The following NFIB variants were observed in gnomAD, a reference collection of about 807,000 sequenced individuals.
NFIB encodes nuclear factor I B.
Under a neutral mutation model 61.5 loss-of-function variants are expected in NFIB, and 11 were observed. The ratio of observed to expected loss-of-function variants is 0.18; its 90% CI spans 0.11 to 0.30. The LOEUF is 0.30. Among genes scored for constraint, NFIB ranks in the 10% least tolerant of loss-of-function variants. The probability of loss-of-function intolerance (pLI) is 1.00; values close to 1 mark genes in which losing one functional copy is unlikely to be tolerated. For synonymous variants in NFIB, 260 were observed against 216.5 expected, an observed-to-expected ratio of 1.20 and a Z score of -1.76; for missense variants, 471 against 608.9, an observed-to-expected ratio of 0.77 and a Z score of 2.38.
chr9:14,089,043 C>T (rs1298104436), intron 10 of NFIB, among the ~76,000 whole-genome samples: 2 of 152,166 alleles, frequency 1.3e-5, no homozygotes, highest in East Asian at 3.9e-4. Context: ...TTACAGGAGG[C>T]CACAAAGGTC....
intron 10 of NFIB, chr9:14,096,329 CG>C (rs1393841451): frequency 1.3e-5 from 2 of 152,136 alleles, no homozygotes; most frequent in Non-Finnish European, 2.9e-5. Context: ...CGACAGGAAA[CG>C]TAAGATTAAG....
chr9:14,278,059 G>A (rs946682174), intron 2 of NFIB, among the ~76,000 whole-genome samples: 2 of 152,074 alleles, frequency 1.3e-5, no homozygotes, highest in Admixed American at 6.5e-5. Context: ...AGCATCTTAC[G>A]ACCATGAGTT....
chr9:14,169,007 A>C (rs1170480531), intron 3 of NFIB, among the ~76,000 whole-genome samples: 1 of 152,230 alleles, frequency 6.6e-6, no homozygotes, highest in Non-Finnish European at 1.5e-5. Context: ...TCATGTCCCA[A>C]CAGACATGAT....
chr9:14,170,615 T>A (rs928329094), intron 3 of NFIB, among the ~76,000 whole-genome samples: 3 of 152,194 alleles, frequency 2.0e-5, no homozygotes, highest in African/African-American at 7.2e-5. Flanking sequence ...CACTCCAGCC[T>A]GGGCAACAAG....
intron 2 of NFIB, chr9:14,180,945 G>A (rs1189641725): frequency 1.3e-5 from 2 of 152,158 alleles, no homozygotes; most frequent in African/African-American, 2.4e-5. Context: ...GCTCTGTCAT[G>A]TACTGCCATA....
intron 2 of NFIB, among the ~76,000 whole-genome samples, chr9:14,209,516 C>A (rs1409055310): frequency 1.4e-4 from 21 of 152,216 alleles, no homozygotes; most frequent in Non-Finnish European, 2.9e-5. Flanking sequence ...AGGGGGCCAG[C>A]ACAGTCCATT....
chr9:14,097,875 C>CTTTTTTTTTTTTTTTTT (rs71321962), intron 10 of NFIB, among the ~76,000 whole-genome samples: 74 of 110,830 alleles, frequency 6.7e-4, no homozygotes, highest in East Asian at 1.1e-3. Context: ...TTTCTTTTTT[C>CTTTTTTTTTTTTTTTTT]TTTTTTTTTT....
chr9:14,267,801 A>C (rs991302676), intron 2 of NFIB, among the ~76,000 whole-genome samples: 16 of 152,118 alleles, frequency 1.1e-4, no homozygotes, highest in African/African-American at 3.4e-4. Context: ...AAACTTTACA[A>C]CCTTTCAAAT....
intron 9 of NFIB, among the ~76,000 whole-genome samples, chr9:14,113,830 T>C (rs1016942756): frequency 1.3e-5 from 2 of 152,336 alleles, no homozygotes; most frequent in East Asian, 1.9e-4. Flanking sequence ...TACATTGTTA[T>C]AGTCTCATTT....
intron 2 of NFIB, among the ~76,000 whole-genome samples, chr9:14,241,120 T>C (rs144709235): frequency 2.2e-4 from 33 of 152,324 alleles, no homozygotes; most frequent in African/African-American, 7.9e-4. Flanking sequence ...TTTAGGCAAA[T>C]GAGGGGCAAA....
chr9:14,450,673 ATAC>A, the NFIB span, among the ~76,000 whole-genome samples: 1 of 152,118 alleles, frequency 6.6e-6, no homozygotes, highest in Non-Finnish European at 1.5e-5. Context: ...AAACTCATAA[ATAC>A]TCTAACTTTG....
At chr9:14,128,552 G>T (rs1661387358) in intron 6 of NFIB, among the ~76,000 whole-genome samples, 1 of 152,006 alleles carries the variant, frequency 6.6e-6, no homozygotes, top group East Asian at 1.9e-4. Context: ...ACAAAAATTA[G>T]CTGGGCGTGG....
chr9:14,468,167 T>C, the NFIB span, among the ~76,000 whole-genome samples: 2 of 152,340 alleles, frequency 1.3e-5, no homozygotes, highest in South Asian at 4.1e-4. Flanking sequence ...GATGTATGTT[T>C]GCTACGAAGC....
the NFIB span, among the ~76,000 whole-genome samples, chr9:14,530,834 A>G: frequency 1.3e-5 from 2 of 152,126 alleles, no homozygotes; most frequent in African/African-American, 4.8e-5. Flanking sequence ...CGGCCCTTGT[A>G]GTAAGCACAA....
rs1392994557 is a variant in NFIB at position 14,082,211 on chromosome 9, T to G, written c.*6098A>C. 1.5e-5 allele frequency: 3 copies of G among 204,340 alleles called. No homozygotes were observed. Among genetic ancestry groups the G allele is most frequent in the Non-Finnish European group, 3.0e-5 (3 of 99,528 alleles). 12.7% of individuals were successfully genotyped at this position (204,340 alleles called of 1,614,324 possible). Reference sequence around the variant, plus strand: ...TGGAGATTGTGCATGTGCCTCCTTTTGTAAAAAAATTTAATTAAAATACAA... The same window carrying G: ...TGGAGATTGTGCATGTGCCTCCTTTGGTAAAAAAATTTAATTAAAATACAA... On this transcript the variant is annotated 3_prime_UTR_variant, in exon 11 of 11. Coordinates refer to ENST00000380953, the MANE Select transcript of NFIB (RefSeq NM_001190737.2).
At chr9:14,426,023 C>T in the NFIB span, among the ~76,000 whole-genome samples, 1 of 152,112 alleles carries the variant, frequency 6.6e-6, no homozygotes, top group Non-Finnish European at 1.5e-5. Context: ...CCTCTTCCAT[C>T]TCTATTCAAT....
the NFIB span, among the ~76,000 whole-genome samples, chr9:14,525,047 A>G: frequency 1.3e-5 from 2 of 152,210 alleles, no homozygotes; most frequent in African/African-American, 4.8e-5. Flanking sequence ...GCTTATGACT[A>G]TAGCGAGTCT....
intron 1 of NFIB, among the ~76,000 whole-genome samples, chr9:14,393,044 T>C (rs1345811490): frequency 2.6e-5 from 4 of 152,228 alleles, no homozygotes; most frequent in African/African-American, 4.8e-5. Context: ...TTCATTACCA[T>C]CATTTTTCCA....
chr9:14,135,179 C>G (rs1771677910), intron 6 of NFIB, among the ~76,000 whole-genome samples: 1 of 151,930 alleles, frequency 6.6e-6, no homozygotes, highest in Non-Finnish European at 1.5e-5. Context: ...TCAAATTCCC[C>G]ACAAATAACT....
Sources: allele counts gnomAD v4.1 joint callset (sites outside exome capture counted in the v4.1 genomes callset), GRCh38; gene constraint gnomAD v4.1.1; transcripts MANE v1.5; gene names NCBI Gene and HGNC (gene_info 2026-07-23, HGNC 2026-07-21).